The following TMOD1 variants were observed in gnomAD, a reference collection of about 807,000 sequenced individuals.
TMOD1 encodes the protein tropomodulin-1.
A neutral mutation model predicts 40.6 loss-of-function variants in TMOD1; 17 were observed. The observed-to-expected ratio is 0.42, with a 90% CI of 0.29 to 0.63. The LOEUF is 0.63. Among genes scored for constraint, TMOD1 ranks in the 20% least tolerant of loss-of-function variants. The probability of loss-of-function intolerance (pLI) is 0.22; values close to 1 mark genes in which losing one functional copy is unlikely to be tolerated. For missense variants in TMOD1, 391 were observed against 447.6 expected, an observed-to-expected ratio of 0.87 and a Z score of 1.14; for synonymous variants, 181 against 175.0, an observed-to-expected ratio of 1.03 and a Z score of -0.27.
At chr9:97,549,653 C>T (rs1023664285) in intron 3 of TMOD1, among the ~76,000 whole-genome samples, 4 of 152,164 alleles carry the variant, frequency 2.6e-5, no homozygotes, top group African/African-American at 9.7e-5. Context: ...TTGATATTTG[C>T]TGTAAACAGT....
At position 97,547,011 on chromosome 9, in the gene TMOD1, G is replaced by GC. The variant is rs1830372129; in HGVS notation, c.277+671dup. On this transcript the variant is annotated intron_variant, in intron 3 of 9. Coordinates refer to ENST00000259365, the MANE Select transcript of TMOD1 (RefSeq NM_003275.4). The stretch of plus-strand genomic sequence containing the variant: ...CCTATGCAAACCAGGGACTAGAGAT[G>GC]CACTAACCATCTCCACCCAGATTCT... Among the ~76,000 whole-genome samples, 4 of 151,024 alleles carry GC rather than the reference G, an allele frequency of 2.6e-5. No homozygotes were observed. In the South Asian group the frequency reaches 8.4e-4, roughly 32 times the overall value.
chr9:97,514,408 G>A (rs1829766428), intron 1 of TMOD1, among the ~76,000 whole-genome samples: 3 of 151,720 alleles, frequency 2.0e-5, no homozygotes, highest in South Asian at 2.1e-4. Flanking sequence ...GTGAACCACC[G>A]CACCTGGCCG....
chr9:97,512,529 A>C (rs1829720660), intron 1 of TMOD1, among the ~76,000 whole-genome samples: 1 of 152,180 alleles, frequency 6.6e-6, no homozygotes, highest in South Asian at 2.1e-4. Flanking sequence ...GAGTAAATAA[A>C]TAAATTATGG....
At chr9:97,579,172 A>G (rs1033533134) in intron 8 of TMOD1, among the ~76,000 whole-genome samples, 5 of 152,294 alleles carry the variant, frequency 3.3e-5, no homozygotes, top group African/African-American at 1.2e-4. Flanking sequence ...TGGTGAACTC[A>G]GAATACCTGG....
chr9:97,541,485 A>G (rs1473942837), intron 2 of TMOD1, among the ~76,000 whole-genome samples: 1 of 151,578 alleles, frequency 6.6e-6, no homozygotes, highest in Non-Finnish European at 1.5e-5. Context: ...CACTGTGCCC[A>G]GCCACTTGAC....
chr9:97,583,452 C>T (rs910579063), intron 8 of TMOD1, among the ~76,000 whole-genome samples: 5 of 151,680 alleles, frequency 3.3e-5, no homozygotes, highest in Admixed American at 6.6e-5. Context: ...GGATATTGGT[C>T]GAAAATTCTC....
In TMOD1 at chr9:97,601,398, T is replaced by G; in HGVS notation, c.*1700T>G. 6 of 1,040,852 alleles carry G rather than the reference T, an allele frequency of 5.8e-6. No individual in the cohort carries two copies. Among genetic ancestry groups the G allele is most frequent in the Non-Finnish European group, 7.0e-6 (6 of 861,648 alleles). 64.5% of individuals were successfully genotyped at this position (1,040,852 alleles called of 1,614,324 possible). On this transcript the variant is annotated 3_prime_UTR_variant, in exon 10 of 10. Transcript: ENST00000259365. ...ATTCCAGGTGCTGATCTAAAAACTG[T>G]GGCTCAAATGTCACCGAGCTTATAT...
rs761308270 is a variant in TMOD1, at chr9:97,565,957, T to G, written c.726+2T>G. On this transcript the variant is annotated splice_donor_variant, in intron 7 of 9. Coordinates refer to ENST00000259365, the MANE Select transcript of TMOD1 (RefSeq NM_003275.4). LOFTEE classifies it high-confidence loss of function. ...CGGAGTAATGACCCCGTGGCGTATG[T>G]ATGTACCTTTCTGTTCTGTTGCATT... 1 of 1,612,864 alleles carries G rather than the reference T, an allele frequency of 6.2e-7. No individual in the cohort carries two copies. Among genetic ancestry groups the G allele is most frequent in the South Asian group, 1.1e-5 (1 of 90,996 alleles).
intron 8 of TMOD1, among the ~76,000 whole-genome samples, chr9:97,586,036 C>T (rs1231032932): frequency 2.6e-5 from 4 of 151,808 alleles, no homozygotes; most frequent in Admixed American, 6.6e-5. Flanking sequence ...AGCTTTGTTC[C>T]GTTGCTGGTG....
chr9:97,546,887 C>T (rs1466616580), intron 3 of TMOD1, among the ~76,000 whole-genome samples: 3 of 147,918 alleles, frequency 2.0e-5, no homozygotes, highest in African/African-American at 5.1e-5. Context: ...CAAGATCGCA[C>T]CACTGCACTC....
intron 3 of TMOD1, 24 bp downstream of exon 3, chr9:97,546,365 A>G: frequency 6.2e-7 from 1 of 1,607,676 alleles, no homozygotes; most frequent in African/African-American, 1.3e-5. Flanking sequence ...TTACTGTTAT[A>G]ATATGCCACT....
At position 97,569,032 on chromosome 9, in the gene TMOD1, A is replaced by G. The variant is rs1180430091; in HGVS notation, c.865A>G (p.Asn289Asp). ...NTSLVEMKID[N>D]QSQPLGNKVE... ...TTCTCTGGTGGAAATGAAAATTGACAACCAGGTGAGATGGGCAACGGTCTC... is the reference window on the plus strand; with the variant it reads ...TTCTCTGGTGGAAATGAAAATTGACGACCAGGTGAGATGGGCAACGGTCTC... Residue 289 changes from asparagine (N) to aspartate (D), a missense_variant, in exon 8 of 10, where the codon AAC becomes GAC. Physicochemically the swap from Asn to Asp is conservative, Grantham distance 23. Transcript: ENST00000259365. 1 of 1,614,100 alleles carries G rather than the reference A, an allele frequency of 6.2e-7. No homozygotes were observed. Among genetic ancestry groups the G allele is most frequent in the Non-Finnish European group, 8.5e-7 (1 of 1,179,988 alleles).
chr9:97,514,411 C>T (rs1009374615), intron 1 of TMOD1, among the ~76,000 whole-genome samples: 1 of 151,996 alleles, frequency 6.6e-6, no homozygotes, highest in African/African-American at 2.4e-5. Flanking sequence ...AACCACCGCA[C>T]CTGGCCGAAA....
At position 97,600,286 on chromosome 9, in the gene TMOD1, G is replaced by A. The variant is rs1364586172; in HGVS notation, c.*588G>A. 1.0e-6 allele frequency: 1 copy of A among 986,218 alleles called. No homozygotes were observed. The highest frequency in any genetic ancestry group is 1.2e-6 in the Non-Finnish European group (1 of 830,230). The allele number at this position is 986,218 out of a possible 1,614,324, so 61.1% of individuals were successfully genotyped here. On this transcript the variant is annotated 3_prime_UTR_variant, in exon 10 of 10. Coordinates refer to ENST00000259365, the MANE Select transcript of TMOD1 (RefSeq NM_003275.4). ...ACTGAACTCTGCCAGGAGTCAACAT[G>A]AGATTCCTTTTGCTGGATATGCAGA...
In TMOD1 at chr9:97,559,771, TTAAAAAAAAA is replaced by T. The variant is rs1432071320; in HGVS notation, c.398-2960_398-2951del. ...CAGAGCGAGACTCCGCCTCAAAAATTTAAAAAAAAAAAAAAAAAAAAAAATATATATATAT... is the reference window on the plus strand; with the variant it reads ...CAGAGCGAGACTCCGCCTCAAAAATTAAAAAAAAAAAAAATATATATATAT... On this transcript the variant is annotated intron_variant, in intron 4 of 9. Transcript: ENST00000259365. Among the ~76,000 whole-genome samples the T allele has an allele frequency of 2.8e-3, 175 of 63,288 alleles. 3 individuals carry two copies. The highest frequency in any genetic ancestry group is 3.6e-3 in the African/African-American group (47 of 12,992). 41.5% of individuals were successfully genotyped at this position (63,288 alleles called of 152,430 possible).
intron 8 of TMOD1, among the ~76,000 whole-genome samples, chr9:97,581,006 T>TA (rs1825739651): frequency 6.6e-6 from 1 of 151,386 alleles, no homozygotes. Flanking sequence ...TCTTTTTTTT[T>TA]ATTATACTTT....
intron 1 of TMOD1, among the ~76,000 whole-genome samples, chr9:97,521,688 G>A (rs899172908): frequency 3.3e-5 from 5 of 152,194 alleles, no homozygotes; most frequent in Admixed American, 3.3e-4. Context: ...GGTCAAAGAG[G>A]ACGTTAGGCC....
intron 2 of TMOD1, among the ~76,000 whole-genome samples, chr9:97,529,339 C>T (rs1830064679): frequency 6.6e-6 from 1 of 152,156 alleles, no homozygotes; most frequent in Non-Finnish European, 1.5e-5. Flanking sequence ...GCCTTGGAAG[C>T]CCCCTCTAGC....
At chr9:97,545,930 G>A (rs148875634) in intron 2 of TMOD1, among the ~76,000 whole-genome samples, 196 of 152,266 alleles carry the variant, frequency 1.3e-3, no homozygotes, top group African/African-American at 4.5e-3. Flanking sequence ...GCAGGGATGG[G>A]CTGGAGGATT....
Sources: gnomAD v4.1 joint callset for allele counts (sites outside exome capture counted in the v4.1 genomes callset) on GRCh38, gnomAD v4.1.1 for gene constraint, MANE v1.5 for transcripts, NCBI Gene and HGNC (gene_info 2026-07-23, HGNC 2026-07-21) for gene names.